Variants in UBR4 observed in about 807,000 individuals in gnomAD.
UBR4 encodes the protein ubiquitin protein ligase E3 component n-recognin 4, also known as E3 ubiquitin-protein ligase UBR4.
In UBR4, 124 loss-of-function variants were observed where a neutral mutation model predicts 575.6. The ratio of observed to expected loss-of-function variants is 0.22; its 90% CI spans 0.19 to 0.25. The LOEUF (loss-of-function observed/expected upper bound fraction) is 0.25, where lower values mean the gene tolerates loss of function less well. Among genes scored for constraint, UBR4 ranks in the 10% least tolerant of loss-of-function variants. UBR4 has a pLI of 1.00. For synonymous variants in UBR4, 2,455 were observed against 2,473.7 expected (o/e 0.99, Z 0.22); for missense variants, 4,818 against 6,478.8 (o/e 0.74, Z 8.80).
chr1:19,082,953 G>C (rs7514830), intron 102 of UBR4, among the ~76,000 whole-genome samples: 1 of 152,186 alleles, frequency 6.6e-6, no homozygotes, highest in Non-Finnish European at 1.5e-5. Context: ...GATAGCTGTC[G>C]ACTGGGAAGC....
intron 21 of UBR4, 67 bp downstream of exon 21, chr1:19,174,887 C>G: frequency 1.4e-6 from 2 of 1,442,604 alleles, no homozygotes; most frequent in Non-Finnish European, 1.9e-6. Flanking sequence ...CCTTTCCCCC[C>G]AGTAGGCTGA....
intron 65 of UBR4, 112 bp downstream of exon 65, chr1:19,124,429 G>C: frequency 7.1e-7 from 1 of 1,412,956 alleles, no homozygotes; most frequent in Non-Finnish European, 9.5e-7. Flanking sequence ...AAAGGTGAAA[G>C]GGACTCTGCA....
At position 19,093,011 on chromosome 1, in the gene UBR4, C is replaced by A. The variant is rs143136087; in HGVS notation, c.14112-93G>T. On this transcript the variant is annotated intron_variant, in intron 96 of 105. Transcript: ENST00000375254. This position sits in a 1 kb window ranked among gnomAD's most constrained non-coding sequence, Gnocchi z 4.8. ...CTCTGGCTTGTTTAAACCCCCAGGG[C>A]ATGATTAACCGTGACCCTCTCCGAG... 7.8e-4 allele frequency: 893 copies of A among 1,150,338 alleles called. 8 individuals are homozygous for A. The East Asian group carries it at 9.9e-3, about 13-fold the overall frequency. The allele number at this position is 1,150,338 out of a possible 1,614,324, so 71.3% of individuals were successfully genotyped here. A position where few individuals can be genotyped will look rare whatever the true frequency, so the allele number is the denominator to read the frequency against.
rs1287099642 is a variant in UBR4, at chr1:19,173,422, A to G, written c.3165+17T>C. The G allele has an allele frequency of 5.6e-6, 9 of 1,614,026 alleles. No individual in the cohort carries two copies. Among genetic ancestry groups the G allele is most frequent in the Non-Finnish European group, 7.6e-6 (9 of 1,179,884 alleles). ...CACTTTGGCTTTGAATAGTCTTAGC[A>G]GCAAGCTCTGTGTTACCTTTATCCA... On this transcript the variant is annotated intron_variant, in intron 23 of 105. Coordinates refer to ENST00000375254, the MANE Select transcript of UBR4 (RefSeq NM_020765.3).
rs1419434505 is a variant in UBR4 at position 19,076,640 on chromosome 1, G to A, written c.15487+100C>T. On this transcript the variant is annotated intron_variant, in intron 105 of 105. Coordinates refer to ENST00000375254, the MANE Select transcript of UBR4 (RefSeq NM_020765.3). ...CAGCTGACAGGCTGGTTCATACTGC[G>A]TTTCCTCTGGTCGTGAAGATAAAGC... 2.4e-5 allele frequency: 37 copies of A among 1,525,294 alleles called. 1 individual carries two copies. The highest frequency in any genetic ancestry group is 1.7e-4 in the Middle Eastern group (1 of 5,778). 94.5% of individuals were successfully genotyped at this position (1,525,294 alleles called of 1,614,324 possible).
At chr1:19,107,052 G>A (rs1322879933) in intron 81 of UBR4, 86 bp from the exon 82 acceptor site, 110 of 1,553,576 alleles carry the variant, frequency 7.1e-5, no homozygotes, top group Non-Finnish European at 9.5e-5. Flanking sequence ...GTGCCCCAGG[G>A]GGTGATGTGC....
rs1570601627 is a variant in UBR4 at position 19,110,958 on chromosome 1, C to T, written c.11802-126G>A. 1.1e-6 allele frequency: 1 copy of T among 924,602 alleles called. No homozygotes were observed. Among genetic ancestry groups the T allele is most frequent in the South Asian group, 1.7e-5 (1 of 58,728 alleles). 57.3% of individuals were successfully genotyped at this position (924,602 alleles called of 1,614,324 possible). A position where few individuals can be genotyped will look rare whatever the true frequency, so the allele number is the denominator to read the frequency against. ...CTACCTGGCCCCAAATTTTCTACTT[C>T]CTTCCCGGGGCAAGACTAGAACTTT... On this transcript the variant is annotated intron_variant, in intron 78 of 105. Coordinates refer to ENST00000375254, the MANE Select transcript of UBR4 (RefSeq NM_020765.3). This position sits in a 1 kb window ranked among gnomAD's most constrained non-coding sequence, Gnocchi z 4.5.
chr1:19,122,279 A>G (rs1490016716), intron 66 of UBR4, among the ~76,000 whole-genome samples: 2 of 152,182 alleles, frequency 1.3e-5, no homozygotes, highest in Non-Finnish European at 2.9e-5. Context: ...AGACTACTCA[A>G]TAAGGCAACA....
At chr1:19,077,048 C>T (rs1157017620) in intron 104 of UBR4, 146 bp from the exon 105 acceptor site, 4 of 793,784 alleles carry the variant, frequency 5.0e-6, no homozygotes, top group South Asian at 2.0e-5. Context: ...CTAGAGCGTG[C>T]GTTTTGTCTC....
chr1:19,197,063 C>A, intron 8 of UBR4, 78 bp downstream of exon 8: 1 of 1,541,554 alleles, frequency 6.5e-7, no homozygotes, highest in Non-Finnish European at 8.8e-7. Context: ...GTAGAGTATT[C>A]AGGAGGATTT....
intron 60 of UBR4, among the ~76,000 whole-genome samples, chr1:19,130,392 C>A (rs977999706): frequency 2.0e-5 from 3 of 152,062 alleles, no homozygotes; most frequent in Non-Finnish European, 4.4e-5. Context: ...ATTAGCCAGA[C>A]GTGGTGCCAT....
intron 11 of UBR4, among the ~76,000 whole-genome samples, chr1:19,191,525 T>C (rs1172447722): frequency 6.6e-6 from 1 of 152,114 alleles, no homozygotes; most frequent in Non-Finnish European, 1.5e-5. Context: ...CGCTCTGACA[T>C]CTTTTTCTTC....
chr1:19,081,374 C>T lies in UBR4; in HGVS notation c.15208G>A (p.Ala5070Thr). 1.2e-6 allele frequency: 2 copies of T among 1,608,724 alleles called. No individual in the cohort carries two copies. The highest frequency in any genetic ancestry group is 2.7e-5 in the African/African-American group (2 of 74,840). The stretch of plus-strand genomic sequence containing the variant: ...CTGGTGGCTCCACCTGGAGCCACTG[C>T]CCGAGCCTGCGAGGTCACCAACAGC... ...RRLLVTSQAR[A>T]VAPGGATRLT... The change falls in exon 103 of 106, where the codon GCA (alanine) becomes ACA (threonine). Residue 5070 changes from alanine (A) to threonine (T), a missense_variant. Coordinates refer to ENST00000375254, the MANE Select transcript of UBR4 (RefSeq NM_020765.3).
chr1:19,114,810 C>T lies in UBR4; in HGVS notation c.11202+1G>A, dbSNP rs2080310263. On this transcript the variant is annotated splice_donor_variant, in intron 75 of 105. Coordinates refer to ENST00000375254, the MANE Select transcript of UBR4 (RefSeq NM_020765.3). LOFTEE classifies it high-confidence loss of function. ...TGAGTCTAGGCCAGATCTGGCCTCA[C>T]CTTCTTCCGGTCTTCTTCATTCTCA... The T allele has an allele frequency of 6.2e-7, 1 of 1,614,004 alleles. No homozygotes were observed.
intron 58 of UBR4, 112 bp downstream of exon 58, chr1:19,140,676 G>A (rs1248403661): frequency 1.5e-5 from 17 of 1,103,694 alleles, no homozygotes; most frequent in Non-Finnish European, 2.1e-5. Context: ...GGCAGAAGCA[G>A]GAAGTCCAGA....
chr1:19,084,790 C>T, intron 101 of UBR4, 92 bp from the exon 102 acceptor site: 2 of 1,261,800 alleles, frequency 1.6e-6, no homozygotes, highest in Non-Finnish European at 2.2e-6. Flanking sequence ...TACTCCCAGG[C>T]CTGATGGCTG....
intron 11 of UBR4, among the ~76,000 whole-genome samples, chr1:19,191,883 G>A (rs1167522335): frequency 1.3e-5 from 2 of 152,156 alleles, no homozygotes; most frequent in East Asian, 1.9e-4. Context: ...AAACAAGCCC[G>A]CTTTACAAGA....
Position 19,178,948 on chromosome 1 carries a change from T to A in UBR4, c.2354+103A>T, listed in dbSNP as rs549611679. On this transcript the variant is annotated intron_variant, in intron 18 of 105. Transcript: ENST00000375254. The stretch of plus-strand genomic sequence containing the variant: ...TCTACCCTCCCCACTCTAAACATTA[T>A]CATTACAGCAAAGCCTCAAAGCCAC... The A allele has an allele frequency of 5.1e-5, 72 of 1,411,700 alleles. 1 individual carries two copies. The highest frequency in any genetic ancestry group is 6.7e-5 in the Non-Finnish European group (69 of 1,026,776). The allele number at this position is 1,411,700 out of a possible 1,614,324, so 87.4% of individuals were successfully genotyped here.
In UBR4 at chr1:19,117,999, A is replaced by AC; in HGVS notation, c.10542-90_10542-89insG. Reference sequence around the variant, plus strand: ...AAAAATCATGACAAAGCCATGGCTCAATGTGAGCCAAAGTGAGCCCAAAGT... The same window carrying AC: ...AAAAATCATGACAAAGCCATGGCTCACATGTGAGCCAAAGTGAGCCCAAAGT... On this transcript the variant is annotated intron_variant, in intron 71 of 105. Transcript: ENST00000375254. The surrounding 1 kb of genome is among the most constrained non-coding windows in gnomAD (Gnocchi z 4.0). 2 of 1,317,002 alleles carry AC rather than the reference A, an allele frequency of 1.5e-6. No individual in the cohort carries two copies. Among genetic ancestry groups the AC allele is most frequent in the Non-Finnish European group, 2.2e-6 (2 of 922,128 alleles). The allele number at this position is 1,317,002 out of a possible 1,614,324, so 81.6% of individuals were successfully genotyped here.
Sources: gnomAD v4.1 joint callset for allele counts (sites outside exome capture counted in the v4.1 genomes callset) on GRCh38, gnomAD v4.1.1 for gene constraint, Gnocchi (gnomAD v3.1) non-coding constraint, MANE v1.5 for transcripts, NCBI Gene and HGNC (gene_info 2026-07-23, HGNC 2026-07-21) for gene names.